Variants in CELF5 observed in about 807,000 individuals in gnomAD.
CELF5 encodes CUG-BP and ETR-3 like factor 5.
In CELF5, 6 loss-of-function variants were observed where a neutral mutation model predicts 54.9. That is an observed-to-expected ratio of 0.11 (90% CI 0.06 to 0.22). CELF5 has a LOEUF of 0.22. Among genes scored for constraint, CELF5 ranks in the 10% least tolerant of loss-of-function variants. The probability of loss-of-function intolerance (pLI) is 1.00; values close to 1 mark genes in which losing one functional copy is unlikely to be tolerated. For synonymous variants in CELF5, 271 were observed against 290.9 expected (o/e 0.93, Z 0.70); for missense variants, 401 against 678.6 (o/e 0.59, Z 4.54).
Position 3,275,745 on chromosome 19 carries a change from G to C in CELF5, c.395-111G>C. The C allele has an allele frequency of 8.3e-7, 1 of 1,208,586 alleles. No individual in the cohort carries two copies. Among genetic ancestry groups the C allele is most frequent in the Non-Finnish European group, 1.1e-6 (1 of 892,302 alleles). The allele number at this position is 1,208,586 out of a possible 1,614,324, so 74.9% of individuals were successfully genotyped here. On this transcript the variant is annotated intron_variant, in intron 3 of 12. Coordinates refer to ENST00000292672, the MANE Select transcript of CELF5 (RefSeq NM_021938.4). The surrounding 1 kb of genome is among the most constrained non-coding windows in gnomAD (Gnocchi z 6.7). ...GCAGAACCGGAGCCGGCAGGGCCCG[G>C]GCGCCGCGTCTTCCTGCCCTGCCGC... is the stretch of plus-strand genomic sequence containing the variant.
rs191055187 is a variant in CELF5, at chr19:3,236,238, T to C, written c.259+11240T>C. 2.5e-3 allele frequency among the ~76,000 whole-genome samples: 374 copies of C among 151,988 alleles called. 3 individuals are homozygous for C. Among genetic ancestry groups the C allele is most frequent in the African/African-American group, 8.3e-3 (343 of 41,434 alleles). Reference sequence around the variant, plus strand: ...GTCTGTCTCGGTTTTCCTAGTGAAGTTGGGGAGAACTTTGGGCTAGGAAGG... The same window carrying C: ...GTCTGTCTCGGTTTTCCTAGTGAAGCTGGGGAGAACTTTGGGCTAGGAAGG... On this transcript the variant is annotated intron_variant, in intron 1 of 12. Coordinates refer to ENST00000292672, the MANE Select transcript of CELF5 (RefSeq NM_021938.4).
At chr19:3,231,913 ATGGT>A (rs550537416) in intron 1 of CELF5, among the ~76,000 whole-genome samples, 178 of 150,932 alleles carry the variant, frequency 1.2e-3, no homozygotes, top group Middle Eastern at 3.4e-3. Context: ...GGAGAAATTA[ATGGT>A]TGGATGGATG....
Position 3,275,786 on chromosome 19 carries a change from G to T in CELF5, c.395-70G>T. 3 of 1,525,294 alleles carry T rather than the reference G, an allele frequency of 2.0e-6. No homozygotes were observed. The highest frequency in any genetic ancestry group is 4.6e-5 in the East Asian group (2 of 43,062). The allele number at this position is 1,525,294 out of a possible 1,614,324, so 94.5% of individuals were successfully genotyped here. Reference sequence around the variant, plus strand: ...GCCCTGCCGCCTCCACTCTGCTGGAGGGAGGGAGGAATCCCGGAGGCCCTC... The same window carrying T: ...GCCCTGCCGCCTCCACTCTGCTGGATGGAGGGAGGAATCCCGGAGGCCCTC... On this transcript the variant is annotated intron_variant, in intron 3 of 12. Transcript: ENST00000292672. The surrounding 1 kb of genome is among the most constrained non-coding windows in gnomAD (Gnocchi z 6.7).
chr19:3,274,795 G>C (rs987609983), intron 3 of CELF5, among the ~76,000 whole-genome samples: 1 of 152,120 alleles, frequency 6.6e-6, no homozygotes. Context: ...TCCGGTAAAG[G>C]CCCTCTGGGA....
chr19:3,258,616 A>T (rs402374), intron 2 of CELF5, among the ~76,000 whole-genome samples: 3,871 of 151,568 alleles, frequency 0.026, 180 homozygotes, highest in African/African-American at 0.09. Context: ...CATATTTTTT[A>T]TTTTTATTTT....
At chr19:3,270,783 G>A (rs1019896322) in intron 2 of CELF5, 4 of 152,338 alleles carry the variant, frequency 2.6e-5, no homozygotes, top group Non-Finnish European at 5.9e-5. Context: ...GACCAGACCA[G>A]GACCCCCTCT....
intron 2 of CELF5, among the ~76,000 whole-genome samples, chr19:3,269,589 A>C (rs1269187166): frequency 6.7e-6 from 1 of 150,086 alleles, no homozygotes; most frequent in South Asian, 2.1e-4. Context: ...CCCATTCCCC[A>C]CCCCCCAAGG....
chr19:3,287,348 T>C, intron 10 of CELF5, among the ~76,000 whole-genome samples: 1 of 151,016 alleles, frequency 6.6e-6, no homozygotes, highest in Non-Finnish European at 1.5e-5. Flanking sequence ...TTGCCTGAGC[T>C]CAGGAGTTCA....
At chr19:3,267,365 G>C (rs541940433) in intron 2 of CELF5, among the ~76,000 whole-genome samples, 40 of 152,306 alleles carry the variant, frequency 2.6e-4, no homozygotes, top group Non-Finnish European at 5.3e-4. Context: ...CAGCATTCTG[G>C]AATAGGATCC....
rs1254273333 is a variant in CELF5, at chr19:3,275,995, G to A, written c.523+11G>A. On this transcript the variant is annotated intron_variant, in intron 4 of 12. Coordinates refer to ENST00000292672, the MANE Select transcript of CELF5 (RefSeq NM_021938.4). The surrounding 1 kb of genome is among the most constrained non-coding windows in gnomAD (Gnocchi z 6.7). ...ACGGCAGCAGCAAAGGTGACTGGCGGGGGCCGGGGCGGGACTGCGAGAGGG... is the reference window on the plus strand; with the variant it reads ...ACGGCAGCAGCAAAGGTGACTGGCGAGGGCCGGGGCGGGACTGCGAGAGGG... The A allele has an allele frequency of 1.9e-6, 3 of 1,602,698 alleles. No individual in the cohort carries two copies. Among genetic ancestry groups the A allele is most frequent in the African/African-American group, 2.7e-5 (2 of 73,968 alleles).
chr19:3,272,470 T>G (rs1488501920), intron 2 of CELF5, among the ~76,000 whole-genome samples: 1 of 152,228 alleles, frequency 6.6e-6, no homozygotes, highest in Non-Finnish European at 1.5e-5. Context: ...GAAAGAGCAC[T>G]TTGGAACCCA....
At chr19:3,243,941 A>C (rs1168200800) in intron 1 of CELF5, among the ~76,000 whole-genome samples, 1 of 151,872 alleles carries the variant, frequency 6.6e-6, no homozygotes, top group African/African-American at 2.4e-5. Context: ...TGATGACCTC[A>C]TGTTGACTAA....
In CELF5 at chr19:3,224,928, G is replaced by A. The variant is rs1916799284; in HGVS notation, c.189G>A (p.Pro63=). ...PRHLDEKDLK[P]LFEQFGRIYE... The stretch of plus-strand genomic sequence containing the variant: ...ACCTGGACGAGAAGGACCTCAAGCC[G>A]CTCTTCGAGCAGTTCGGCCGCATCT... Residue 63 remains proline (P), a synonymous_variant, in exon 1 of 13, where the codon CCG becomes CCA. Coordinates refer to ENST00000292672, the MANE Select transcript of CELF5 (RefSeq NM_021938.4). 1.9e-6 allele frequency: 3 copies of A among 1,609,816 alleles called. No individual in the cohort carries two copies. Among genetic ancestry groups the A allele is most frequent in the Non-Finnish European group, 1.7e-6 (2 of 1,178,402 alleles).
chr19:3,260,873 C>T (rs2079799413), intron 2 of CELF5, among the ~76,000 whole-genome samples: 1 of 151,882 alleles, frequency 6.6e-6, no homozygotes, highest in African/African-American at 2.4e-5. Context: ...CTGCCCGCCT[C>T]GGCCTCCCAA....
chr19:3,267,717 G>A (rs913358751), intron 2 of CELF5, among the ~76,000 whole-genome samples: 2 of 152,164 alleles, frequency 1.3e-5, no homozygotes, highest in Non-Finnish European at 2.9e-5. Context: ...CCTGGAAAAA[G>A]ATGAATTTGT....
In CELF5 at chr19:3,293,770, T is replaced by C. The variant is rs563024443; in HGVS notation, c.*40+284T>C. 867 of 286,016 alleles carry C rather than the reference T, an allele frequency of 3.0e-3. 1 individual carries two copies. The highest frequency in any genetic ancestry group is 5.0e-3 in the Non-Finnish European group (750 of 148,904). The allele number at this position is 286,016 out of a possible 1,614,324, so 17.7% of individuals were successfully genotyped here. On this transcript the variant is annotated intron_variant, in intron 12 of 12. Coordinates refer to ENST00000292672, the MANE Select transcript of CELF5 (RefSeq NM_021938.4). ...CCTTCCCGGAGAAGGCTTTGAGGGC[T>C]GAATAGAAGTTCACCTGAGAGGCCA...
At position 3,234,290 on chromosome 19, in the gene CELF5, C is replaced by T. The variant is rs151285534; in HGVS notation, c.259+9292C>T. Among the ~76,000 whole-genome samples, 542 of 152,090 alleles carry T rather than the reference C, an allele frequency of 3.6e-3. 6 individuals are homozygous for T. The highest frequency in any genetic ancestry group is 0.012 in the African/African-American group (516 of 41,462). ...CTCCCTCCCTCTTTCAAGAGATTGG[C>T]ATCTCACTATGTTGCTAAGGCTGGT... On this transcript the variant is annotated intron_variant, in intron 1 of 12. Transcript: ENST00000292672.
intron 1 of CELF5, among the ~76,000 whole-genome samples, chr19:3,233,780 G>C (rs547099060): frequency 3.3e-5 from 5 of 152,344 alleles, no homozygotes; most frequent in African/African-American, 1.2e-4. Context: ...GAGAGGTGGA[G>C]CCATGGAGAC....
At chr19:3,280,824 A>G (rs1282040252) in intron 5 of CELF5, among the ~76,000 whole-genome samples, 8 of 152,008 alleles carry the variant, frequency 5.3e-5, no homozygotes, top group Non-Finnish European at 1.5e-5. Flanking sequence ...TTTCCTTCGG[A>G]AGCTGGTTTC....
Sources: gnomAD v4.1 joint callset for allele counts (sites outside exome capture counted in the v4.1 genomes callset) on GRCh38, gnomAD v4.1.1 for gene constraint, Gnocchi (gnomAD v3.1) non-coding constraint, MANE v1.5 for transcripts, NCBI Gene and HGNC (gene_info 2026-07-23, HGNC 2026-07-21) for gene names.